The following KCNQ5 variants were observed in gnomAD, a reference collection of about 807,000 sequenced individuals.
KCNQ5 encodes potassium voltage-gated channel subfamily KQT member 5.
A neutral mutation model predicts 98.2 loss-of-function variants in KCNQ5; 30 were observed. The observed-to-expected ratio is 0.31, with a 90% confidence interval of 0.23 to 0.41. The LOEUF (loss-of-function observed/expected upper bound fraction) is 0.41. Ranked by LOEUF, KCNQ5 falls within the 10% of genes least tolerant of loss-of-function variation. The probability of loss-of-function intolerance (pLI) is 1.00; values close to 1 mark genes in which losing one functional copy is unlikely to be tolerated. For missense variants in KCNQ5, 835 were observed against 1,182.5 expected (o/e 0.71, Z 4.31); for synonymous variants, 458 against 449.4 (o/e 1.02, Z -0.24).
At chr6:72,713,287 C>A (rs751119571) in intron 1 of KCNQ5, among the ~76,000 whole-genome samples, 1 of 152,280 alleles carries the variant, frequency 6.6e-6, no homozygotes, top group East Asian at 1.9e-4. Context: ...GTGACTCTTT[C>A]CTTTTCTTCC....
chr6:72,914,296 G>A (rs1019444733), intron 1 of KCNQ5, among the ~76,000 whole-genome samples: 4 of 151,858 alleles, frequency 2.6e-5, no homozygotes, highest in African/African-American at 9.7e-5. Flanking sequence ...AAGTAATGAG[G>A]AACTTGATAA....
chr6:73,102,265 A>C (rs1184410643), intron 5 of KCNQ5, among the ~76,000 whole-genome samples: 2 of 152,164 alleles, frequency 1.3e-5, no homozygotes, highest in African/African-American at 4.8e-5. Flanking sequence ...TGGGATTAAA[A>C]AGTTAAATCT....
At chr6:73,149,792 GAAAA>G (rs57061336) in intron 10 of KCNQ5, among the ~76,000 whole-genome samples, 1 of 98,284 alleles carries the variant, frequency 1.0e-5, no homozygotes, top group Non-Finnish European at 2.0e-5. Flanking sequence ...GGGAGACTCC[GAAAA>G]AAAAAAAAAA....
At chr6:72,789,500 C>T (rs1256701044) in intron 1 of KCNQ5, among the ~76,000 whole-genome samples, 2 of 152,146 alleles carry the variant, frequency 1.3e-5, no homozygotes, top group African/African-American at 4.8e-5. Flanking sequence ...CATACAAAAA[C>T]TTCACTGTAA....
At chr6:72,962,613 CAT>C (rs1169916013) in intron 1 of KCNQ5, among the ~76,000 whole-genome samples, 1 of 152,088 alleles carries the variant, frequency 6.6e-6, no homozygotes, top group Non-Finnish European at 1.5e-5. Flanking sequence ...TCCAGAGGGA[CAT>C]AGAGAATCAC....
chr6:72,718,615 TA>T (rs1241401014), intron 1 of KCNQ5, among the ~76,000 whole-genome samples: 8 of 152,022 alleles, frequency 5.3e-5, no homozygotes, highest in Admixed American at 5.2e-4. Flanking sequence ...CATGCCTGGC[TA>T]ATTTTTATAT....
intron 3 of KCNQ5, among the ~76,000 whole-genome samples, chr6:73,068,185 A>C (rs1773150978): frequency 6.6e-6 from 1 of 152,092 alleles, no homozygotes; most frequent in Admixed American, 6.6e-5. Flanking sequence ...AATCCCAGCT[A>C]CTGGGGAGGC....
chr6:72,925,657 G>T (rs547234950), intron 1 of KCNQ5, among the ~76,000 whole-genome samples: 1 of 152,244 alleles, frequency 6.6e-6, no homozygotes, highest in African/African-American at 2.4e-5. Context: ...AAATAAATAT[G>T]TTCAACAGCA....
intron 1 of KCNQ5, among the ~76,000 whole-genome samples, chr6:72,690,236 A>G (rs1768147566): frequency 6.6e-6 from 1 of 152,168 alleles, no homozygotes; most frequent in African/African-American, 2.4e-5. Context: ...CCCGTCTCCA[A>G]AAAAACAAAA....
chr6:73,183,101 C>G (rs923934835), intron 11 of KCNQ5, among the ~76,000 whole-genome samples: 13 of 152,088 alleles, frequency 8.5e-5, no homozygotes, highest in African/African-American at 2.7e-4. Flanking sequence ...GCCTTGGATT[C>G]ATTTGTGTGA....
chr6:73,137,473 A>T (rs1353399574), intron 10 of KCNQ5, among the ~76,000 whole-genome samples: 1 of 152,222 alleles, frequency 6.6e-6, no homozygotes, highest in African/African-American at 2.4e-5. Context: ...TTCTATAATA[A>T]AAGATAGAAA....
At chr6:72,842,939 C>T (rs572667540) in intron 1 of KCNQ5, among the ~76,000 whole-genome samples, 1 of 152,176 alleles carries the variant, frequency 6.6e-6, no homozygotes, top group South Asian at 2.1e-4. Context: ...TGTAGGTTGC[C>T]TGTTTGCTCT....
intron 1 of KCNQ5, among the ~76,000 whole-genome samples, chr6:72,627,388 T>C (rs1407917704): frequency 6.6e-6 from 1 of 152,156 alleles, no homozygotes; most frequent in East Asian, 1.9e-4. Context: ...GGAAAAGCTT[T>C]ACAGCAACCC....
At chr6:72,681,129 A>T (rs1767685151) in intron 1 of KCNQ5, among the ~76,000 whole-genome samples, 1 of 152,192 alleles carries the variant, frequency 6.6e-6, no homozygotes. Flanking sequence ...CATTTATTGG[A>T]GCTCTCTTAT....
intron 1 of KCNQ5, among the ~76,000 whole-genome samples, chr6:72,771,866 G>A (rs1040854770): frequency 6.6e-6 from 1 of 152,006 alleles, no homozygotes; most frequent in Non-Finnish European, 1.5e-5. Context: ...CAAGGAACTA[G>A]AGGATGCAAT....
intron 1 of KCNQ5, among the ~76,000 whole-genome samples, chr6:72,890,014 G>T (rs1383366035): frequency 6.6e-6 from 1 of 152,170 alleles, no homozygotes; most frequent in Non-Finnish European, 1.5e-5. Context: ...AGCCTCCCAA[G>T]AAGATGTCTA....
chr6:73,159,685 G>A (rs1416044093), intron 10 of KCNQ5, among the ~76,000 whole-genome samples: 1 of 152,086 alleles, frequency 6.6e-6, no homozygotes. Flanking sequence ...TTTCTAGTAA[G>A]GCTGAATAAT....
intron 1 of KCNQ5, among the ~76,000 whole-genome samples, chr6:72,930,129 T>TA (rs893155534): frequency 2.3e-4 from 34 of 147,788 alleles, no homozygotes; most frequent in East Asian, 3.9e-4. Context: ...TCATATTTAA[T>TA]AAAAAAAAAA....
At chr6:73,127,492 C>A (rs577276424) in intron 9 of KCNQ5, among the ~76,000 whole-genome samples, 1 of 151,578 alleles carries the variant, frequency 6.6e-6, no homozygotes, top group African/African-American at 2.4e-5. Flanking sequence ...AGCCAACATC[C>A]GCCTCTGGGT....
Sources: gnomAD v4.1 joint callset for allele counts (sites outside exome capture counted in the v4.1 genomes callset) on GRCh38, gnomAD v4.1.1 for gene constraint, MANE v1.5 for transcripts, NCBI Gene and HGNC (gene_info 2026-07-23, HGNC 2026-07-21) for gene names.